Variants in CAST observed in about 807,000 individuals in gnomAD.
The protein encoded by CAST is MIR583 host.
In CAST, 76 loss-of-function variants were observed where a neutral mutation model predicts 119.6. That is an observed-to-expected ratio of 0.64 (90% CI 0.53 to 0.77). The LOEUF is 0.77. Among genes scored for constraint, CAST ranks in the 30% least tolerant of loss-of-function variants. CAST has a pLI of 0.00. For missense variants in CAST, 953 were observed against 946.5 expected (o/e 1.01, Z -0.09); for synonymous variants, 319 against 331.6 (o/e 0.96, Z 0.41).
At chr5:96,580,393 T>C (rs2150189061) in intron 1 of CAST, among the ~76,000 whole-genome samples, 1 of 152,354 alleles carries the variant, frequency 6.6e-6, no homozygotes, top group East Asian at 1.9e-4. Flanking sequence ...CAATAGTTTA[T>C]TTGAAAACCA....
the CAST span, among the ~76,000 whole-genome samples, chr5:96,341,280 C>T: frequency 6.6e-6 from 1 of 152,086 alleles, no homozygotes; most frequent in Non-Finnish European, 1.5e-5. Flanking sequence ...AAATGTTACT[C>T]TAGAAATCTT....
chr5:96,729,626 C>A lies in CAST; in HGVS notation c.450C>A (p.Pro150=). The A allele has an allele frequency of 6.4e-7, 1 of 1,557,518 alleles. No homozygotes were observed. Among genetic ancestry groups the A allele is most frequent in the Non-Finnish European group, 8.9e-7 (1 of 1,128,776 alleles). The change falls in exon 8 of 32, where the codon CCC becomes CCA. Residue 150 remains proline (P), a synonymous_variant. Transcript: ENST00000675179. ...TGTACTTTCAGCCAAAAAGCCTACC[C>A]AAGCAGGCATCAGATACAGGAAGTA... ...PKEHTEPKSL[P]KQASDTGSND... is the part of the protein sequence containing the mutation.
chr5:96,392,708 T>C, the CAST span: 1 of 450,890 alleles, frequency 2.2e-6, no homozygotes, highest in African/African-American at 2.0e-5. Context: ...TAATGCAGTG[T>C]TCTAATGTAG....
chr5:96,447,749 T>C, the CAST span, among the ~76,000 whole-genome samples: 2 of 152,106 alleles, frequency 1.3e-5, no homozygotes. Context: ...TACTCAAGCA[T>C]GTGGGAGTTG....
At chr5:96,266,715 C>T in the CAST span, among the ~76,000 whole-genome samples, 1 of 152,118 alleles carries the variant, frequency 6.6e-6, no homozygotes, top group Admixed American at 6.5e-5. Flanking sequence ...CCCAAACAAG[C>T]CAGACAGAAG....
the CAST span, among the ~76,000 whole-genome samples, chr5:96,046,816 A>G: frequency 2.6e-5 from 4 of 152,206 alleles, no homozygotes; most frequent in Non-Finnish European, 5.9e-5. Context: ...GGTGAAAGGC[A>G]CTTCTTACGT....
chr5:96,515,327 T>A, the CAST span, among the ~76,000 whole-genome samples: 1 of 151,792 alleles, frequency 6.6e-6, no homozygotes. Context: ...TGTTTGTTTT[T>A]TGTGTCCTGT....
chr5:95,991,495 T>TTG, the CAST span, among the ~76,000 whole-genome samples: 35 of 142,510 alleles, frequency 2.5e-4, no homozygotes, highest in African/African-American at 8.4e-4. Context: ...ACAACAAGTT[T>TTG]TGTTTTTTTT....
At chr5:96,358,457 T>C in the CAST span, among the ~76,000 whole-genome samples, 24 of 152,354 alleles carry the variant, frequency 1.6e-4, no homozygotes, top group Non-Finnish European at 2.6e-4. Context: ...TGCTTTCTCT[T>C]GTGGGCATTT....
chr5:96,617,750 C>T (rs1279563580), intron 1 of CAST, among the ~76,000 whole-genome samples: 1 of 121,554 alleles, frequency 8.2e-6, no homozygotes, highest in African/African-American at 3.1e-5. Context: ...CAAGATCACA[C>T]CACTGCACTC....
the CAST span, among the ~76,000 whole-genome samples, chr5:96,074,700 T>A: frequency 6.6e-6 from 1 of 152,340 alleles, no homozygotes; most frequent in African/African-American, 2.4e-5. Flanking sequence ...TGTAGTACCT[T>A]GGCTCTGAGA....
intron 3 of CAST, among the ~76,000 whole-genome samples, chr5:96,721,413 G>A (rs1758234027): frequency 6.6e-6 from 1 of 152,158 alleles, no homozygotes. Flanking sequence ...AGACTATAGT[G>A]GGTTTCATAC....
intron 2 of CAST, among the ~76,000 whole-genome samples, chr5:96,684,707 T>C (rs1213197745): frequency 6.6e-6 from 1 of 151,856 alleles, no homozygotes; most frequent in Non-Finnish European, 1.5e-5. Context: ...GGACTACAGG[T>C]GTATGCCACC....
the CAST span, among the ~76,000 whole-genome samples, chr5:96,285,583 T>G: frequency 6.6e-6 from 1 of 152,194 alleles, no homozygotes; most frequent in Non-Finnish European, 1.5e-5. Flanking sequence ...AAAGGACACA[T>G]TCCCCTTGAA....
the CAST span, among the ~76,000 whole-genome samples, chr5:96,321,841 T>C: frequency 6.6e-6 from 1 of 152,206 alleles, no homozygotes; most frequent in Non-Finnish European, 1.5e-5. Context: ...TGGCTGCTCT[T>C]CTAGGTGACT....
the CAST span, among the ~76,000 whole-genome samples, chr5:96,014,063 T>C: frequency 6.6e-6 from 1 of 152,074 alleles, no homozygotes; most frequent in East Asian, 1.9e-4. Context: ...TTAATAATAC[T>C]TAGCTTAAAA....
At chr5:96,482,062 A>G in the CAST span, among the ~76,000 whole-genome samples, 1 of 152,152 alleles carries the variant, frequency 6.6e-6, no homozygotes, top group Non-Finnish European at 1.5e-5. Context: ...ATATTGCTGC[A>G]GAGTTAGCTG....
At chr5:96,516,270 G>GAAAAACC in the CAST span, among the ~76,000 whole-genome samples, 1 of 151,876 alleles carries the variant, frequency 6.6e-6, no homozygotes, top group Non-Finnish European at 1.5e-5. Flanking sequence ...AACTGAAATG[G>GAAAAACC]AAAAACCAAT....
At chr5:96,695,988 C>A in intron 3 of CAST, 81 bp downstream of exon 3, 1 of 823,072 alleles carries the variant, frequency 1.2e-6, no homozygotes, top group Non-Finnish European at 2.0e-6. Context: ...GTAGGAATGG[C>A]AAACAGTGTC....
Sources: gnomAD v4.1 joint callset for allele counts (sites outside exome capture counted in the v4.1 genomes callset) on GRCh38, gnomAD v4.1.1 for gene constraint, MANE v1.5 for transcripts, NCBI Gene and HGNC (gene_info 2026-07-23, HGNC 2026-07-21) for gene names.